Variants in BICD1 observed in about 807,000 individuals in gnomAD.
The protein encoded by BICD1 is protein bicaudal D homolog 1.
BICD1 carries 35 observed loss-of-function variants against 92.5 expected under a neutral mutation model. The observed-to-expected ratio is 0.38, with a 90% confidence interval of 0.29 to 0.50. BICD1 has a LOEUF of 0.50. Among genes scored for constraint, BICD1 ranks in the 20% least tolerant of loss-of-function variants. BICD1 has a pLI of 0.93. For missense variants in BICD1, 950 were observed against 1,189.8 expected (o/e 0.80, Z 2.97); for synonymous variants, 429 against 465.1 (o/e 0.92, Z 1.00).
chr12:32,227,141 C>T (rs575604909), intron 2 of BICD1, among the ~76,000 whole-genome samples: 3 of 152,296 alleles, frequency 2.0e-5, no homozygotes, highest in Admixed American at 1.3e-4. Flanking sequence ...CAAGGGGGGA[C>T]ACCCGTGCCC....
At chr12:32,237,950 GTAGA>G (rs1302947568) in intron 2 of BICD1, among the ~76,000 whole-genome samples, 2 of 152,222 alleles carry the variant, frequency 1.3e-5, no homozygotes, top group Admixed American at 6.5e-5. Context: ...TATAGCTGCT[GTAGA>G]TAGTGATTCC....
At chr12:32,204,869 CTTCAG>C (rs1251077418) in intron 1 of BICD1, among the ~76,000 whole-genome samples, 3 of 152,160 alleles carry the variant, frequency 2.0e-5, no homozygotes, top group Non-Finnish European at 4.4e-5. Context: ...GCTCAAGACA[CTTCAG>C]TTCAGTCTCA....
At position 32,192,624 on chromosome 12, in the gene BICD1, G is replaced by A. The variant is rs540520900; in HGVS notation, c.214-23623G>A. ...AGTTCTATGAAGACTGAGAGAGGCA[G>A]TGCTATGGAAGGAGAGTTTGGTACT... On this transcript the variant is annotated intron_variant, in intron 1 of 9. Coordinates refer to ENST00000652176, the MANE Select transcript of BICD1 (RefSeq NM_001714.4). 1.8e-4 allele frequency among the ~76,000 whole-genome samples: 28 copies of A among 152,292 alleles called. No individual in the cohort carries two copies. The South Asian group carries it at 5.6e-3, about 30-fold the overall frequency.
At chr12:32,114,486 A>G (rs990678456) in intron 1 of BICD1, among the ~76,000 whole-genome samples, 4 of 151,952 alleles carry the variant, frequency 2.6e-5, no homozygotes, top group Non-Finnish European at 4.4e-5. Flanking sequence ...GGCTCAAGCA[A>G]TCCTCATGCC....
At chr12:32,347,497 G>A (rs1938675733) in intron 8 of BICD1, among the ~76,000 whole-genome samples, 1 of 151,646 alleles carries the variant, frequency 6.6e-6, no homozygotes, top group African/African-American at 2.4e-5. Flanking sequence ...AATTAGCTGG[G>A]CATGGTGGTG....
intron 1 of BICD1, among the ~76,000 whole-genome samples, chr12:32,206,739 A>G (rs555778213): frequency 6.6e-6 from 1 of 152,368 alleles, no homozygotes; most frequent in African/African-American, 2.4e-5. Flanking sequence ...CAATCCAATC[A>G]TCCATTGTCA....
rs1228065765 is a variant in BICD1, at chr12:32,328,496, C to T, written c.2041C>T (p.Leu681=). Residue 681 remains leucine (L), a synonymous_variant, in exon 5 of 10, where the codon CTG becomes TTG. Coordinates refer to ENST00000652176, the MANE Select transcript of BICD1 (RefSeq NM_001714.4). This position sits in a 1 kb window ranked among gnomAD's most constrained non-coding sequence, Gnocchi z 4.4. ...AGAGATCCTCAAGCTAAAGTCCCTGCTGAGCACCAAACGGGAGCAGATCGC... is the reference window on the plus strand; with the variant it reads ...AGAGATCCTCAAGCTAAAGTCCCTGTTGAGCACCAAACGGGAGCAGATCGC... ...MEEILKLKSL[L]STKREQIATL... is the part of the protein sequence containing the mutation. 1 of 1,614,076 alleles carries T rather than the reference C, an allele frequency of 6.2e-7. No homozygotes were observed. The highest frequency in any genetic ancestry group is 8.5e-7 in the Non-Finnish European group (1 of 1,180,044).
intron 2 of BICD1, among the ~76,000 whole-genome samples, chr12:32,285,416 T>A (rs929239162): frequency 2.0e-5 from 3 of 152,166 alleles, no homozygotes; most frequent in African/African-American, 7.2e-5. Flanking sequence ...ATTATTAATA[T>A]CTAATGTGAC....
At chr12:32,170,446 A>G (rs74074443) in intron 1 of BICD1, among the ~76,000 whole-genome samples, 5,394 of 152,276 alleles carry the variant, frequency 0.035, 327 homozygotes, top group African/African-American at 0.12. Context: ...TACTTATATA[A>G]AAAGACCTGA....
chr12:32,130,677 G>A (rs778329158), intron 1 of BICD1, among the ~76,000 whole-genome samples: 21 of 152,064 alleles, frequency 1.4e-4, no homozygotes, highest in African/African-American at 4.1e-4. Flanking sequence ...AATACCACTC[G>A]TTAGAGAGAA....
chr12:32,211,326 C>G (rs12809398), intron 1 of BICD1, among the ~76,000 whole-genome samples: 226 of 152,240 alleles, frequency 1.5e-3, no homozygotes, highest in African/African-American at 5.3e-3. Context: ...TTTGGAAACC[C>G]ATATGTTCAG....
At chr12:32,216,120 T>C (rs1471208138) in intron 1 of BICD1, 127 bp from the exon 2 acceptor site, 13 of 775,120 alleles carry the variant, frequency 1.7e-5, no homozygotes, top group Admixed American at 2.9e-5. Context: ...TAGACTGTTA[T>C]ATTTCGGGGG....
intron 2 of BICD1, among the ~76,000 whole-genome samples, chr12:32,249,747 T>G (rs1946480317): frequency 6.6e-6 from 1 of 151,776 alleles, no homozygotes; most frequent in Non-Finnish European, 1.5e-5. Flanking sequence ...TATGCCAAAG[T>G]TGTTCCATTA....
chr12:32,328,450 A>G lies in BICD1; in HGVS notation c.1995A>G (p.Lys665=). 1 of 1,614,210 alleles carries G rather than the reference A, an allele frequency of 6.2e-7. No individual in the cohort carries two copies. The highest frequency in any genetic ancestry group is 8.5e-7 in the Non-Finnish European group (1 of 1,180,034). ...AARELAPMID[K]DKEALMEEIL... Reference sequence around the variant, plus strand: ...GGGAGCTAGCCCCCATGATTGATAAAGACAAGGAAGCCTTAATGGAAGAGA... The same window carrying G: ...GGGAGCTAGCCCCCATGATTGATAAGGACAAGGAAGCCTTAATGGAAGAGA... The change falls in exon 5 of 10, where the codon AAA becomes AAG. Residue 665 remains lysine (K), a synonymous_variant. Coordinates refer to ENST00000652176, the MANE Select transcript of BICD1 (RefSeq NM_001714.4). This position sits in a 1 kb window ranked among gnomAD's most constrained non-coding sequence, Gnocchi z 4.4.
At chr12:32,162,864 T>C (rs181071952) in intron 1 of BICD1, among the ~76,000 whole-genome samples, 1,933 of 152,200 alleles carry the variant, frequency 0.013, 19 homozygotes, top group Middle Eastern at 0.031. Context: ...TATGTGCCTG[T>C]GGTCCCAGCT....
intron 2 of BICD1, among the ~76,000 whole-genome samples, chr12:32,279,479 G>A (rs991493679): frequency 1.3e-5 from 2 of 152,098 alleles, no homozygotes; most frequent in South Asian, 2.1e-4. Flanking sequence ...ATGTCAATAC[G>A]TATTCGTTTA....
chr12:32,374,908 T>TA (rs1939879490), intron 9 of BICD1, among the ~76,000 whole-genome samples: 1 of 129,198 alleles, frequency 7.7e-6, no homozygotes, highest in African/African-American at 3.0e-5. Flanking sequence ...TCATTTATTT[T>TA]CCTTTTTTTT....
At chr12:32,133,261 GTGGATCACC>G (rs1378175897) in intron 1 of BICD1, among the ~76,000 whole-genome samples, 3 of 152,086 alleles carry the variant, frequency 2.0e-5, no homozygotes, top group African/African-American at 7.2e-5. Flanking sequence ...GCTGAGTCAG[GTGGATCACC>G]TGAGGTCAGG....
At chr12:32,164,285 G>T (rs1481684515) in intron 1 of BICD1, among the ~76,000 whole-genome samples, 1 of 152,096 alleles carries the variant, frequency 6.6e-6, no homozygotes, top group Non-Finnish European at 1.5e-5. Flanking sequence ...GTTTACCAAT[G>T]GTATTGATTT....
Sources: gnomAD v4.1 joint callset for allele counts (sites outside exome capture counted in the v4.1 genomes callset) on GRCh38, gnomAD v4.1.1 for gene constraint, Gnocchi (gnomAD v3.1) non-coding constraint, MANE v1.5 for transcripts, NCBI Gene and HGNC (gene_info 2026-07-23, HGNC 2026-07-21) for gene names.